SLC1A1: variants seen among roughly 807,000 people sequenced by gnomAD.
SLC1A1 encodes solute carrier family 1 member 1, also known as excitatory amino acid transporter 3.
In SLC1A1, 43 loss-of-function variants were observed where a neutral mutation model predicts 53.3. The observed-to-expected ratio is 0.81, with a 90% CI of 0.63 to 1.04. The LOEUF is 1.04. Among genes scored for constraint, SLC1A1 ranks in the 50% least tolerant of loss-of-function variants. The pLI is 0.00. For synonymous variants in SLC1A1, 307 were observed against 243.2 expected (o/e 1.26, Z -2.44); for missense variants, 748 against 664.9 (o/e 1.12, Z -1.37).
At chr9:4,579,870 T>G (rs970260139) in intron 10 of SLC1A1, among the ~76,000 whole-genome samples, 6 of 152,016 alleles carry the variant, frequency 3.9e-5, no homozygotes, top group African/African-American at 1.4e-4. Flanking sequence ...TACAACGGAT[T>G]GAAAATTGTG....
At chr9:4,546,050 C>T (rs983740526) in intron 2 of SLC1A1, among the ~76,000 whole-genome samples, 1 of 147,278 alleles carries the variant, frequency 6.8e-6, no homozygotes, top group Non-Finnish European at 1.5e-5. Flanking sequence ...GAGTACTGGA[C>T]GTTGGTGGGG....
chr9:4,519,086 A>G (rs1815972500), intron 1 of SLC1A1, among the ~76,000 whole-genome samples: 1 of 152,166 alleles, frequency 6.6e-6, no homozygotes, highest in East Asian at 1.9e-4. Context: ...AGTTTGCAGG[A>G]CTGTTTATTA....
intron 1 of SLC1A1, among the ~76,000 whole-genome samples, chr9:4,494,036 G>A (rs959976873): frequency 2.0e-5 from 3 of 152,226 alleles, no homozygotes; most frequent in South Asian, 4.1e-4. Context: ...AAATTTCTGC[G>A]ACACCCTACA....
chr9:4,525,118 G>A (rs1816213480), intron 1 of SLC1A1, among the ~76,000 whole-genome samples: 1 of 152,140 alleles, frequency 6.6e-6, no homozygotes, highest in Admixed American at 6.5e-5. Flanking sequence ...CGTGAGTGAA[G>A]GAGTCTAAAC....
chr9:4,551,668 G>A (rs1817942526), intron 2 of SLC1A1, among the ~76,000 whole-genome samples: 2 of 152,148 alleles, frequency 1.3e-5, no homozygotes, highest in African/African-American at 4.8e-5. Context: ...GCCATTCAAG[G>A]TGGTTTATAA....
At chr9:4,496,805 G>T (rs536883826) in intron 1 of SLC1A1, among the ~76,000 whole-genome samples, 23 of 152,278 alleles carry the variant, frequency 1.5e-4, no homozygotes, top group South Asian at 6.2e-4. Context: ...GCTGATGTGG[G>T]AAGATCACAT....
chr9:4,517,509 C>A (rs1438030247), intron 1 of SLC1A1, among the ~76,000 whole-genome samples: 1 of 152,192 alleles, frequency 6.6e-6, no homozygotes, highest in East Asian at 1.9e-4. Flanking sequence ...CGGGAGGCTT[C>A]TTGTGTTCCA....
At chr9:4,542,220 T>C (rs1342537200) in intron 1 of SLC1A1, among the ~76,000 whole-genome samples, 2 of 151,248 alleles carry the variant, frequency 1.3e-5, no homozygotes, top group Non-Finnish European at 3.0e-5. Flanking sequence ...GGAAGGAATA[T>C]TGGAGTACAA....
intron 1 of SLC1A1, among the ~76,000 whole-genome samples, chr9:4,543,579 A>C (rs1268079097): frequency 1.3e-5 from 2 of 152,088 alleles, no homozygotes; most frequent in Non-Finnish European, 2.9e-5. Context: ...AACATTTCTT[A>C]ATAGTGAACA....
chr9:4,526,304 AC>A (rs1816257044), intron 1 of SLC1A1, among the ~76,000 whole-genome samples: 1 of 152,216 alleles, frequency 6.6e-6, no homozygotes. Context: ...GGAATACTGA[AC>A]AGCACTTTGA....
intron 8 of SLC1A1, 72 bp downstream of exon 8, chr9:4,574,086 T>C: frequency 1.9e-6 from 2 of 1,038,094 alleles, no homozygotes; most frequent in Non-Finnish European, 3.0e-6. Context: ...AGGTTGGGTT[T>C]CAGTTGGTTA....
intron 10 of SLC1A1, 142 bp from the exon 11 acceptor site, chr9:4,582,896 A>G: frequency 9.5e-7 from 1 of 1,056,510 alleles, no homozygotes; most frequent in Non-Finnish European, 1.5e-6. Flanking sequence ...GCTGGGGCTC[A>G]GCAAGTCACA....
chr9:4,542,093 G>T (rs548380394), intron 1 of SLC1A1, among the ~76,000 whole-genome samples: 2 of 140,088 alleles, frequency 1.4e-5, no homozygotes, highest in South Asian at 4.3e-4. Context: ...GGGTCTCAGT[G>T]TGACATCCCA....
intron 1 of SLC1A1, among the ~76,000 whole-genome samples, chr9:4,513,004 G>A (rs1438087171): frequency 6.6e-6 from 1 of 151,660 alleles, no homozygotes; most frequent in Non-Finnish European, 1.5e-5. Context: ...AATGGTATTG[G>A]AACAACTAGA....
intron 1 of SLC1A1, among the ~76,000 whole-genome samples, chr9:4,495,664 G>A (rs1439205164): frequency 1.3e-5 from 2 of 152,018 alleles, no homozygotes; most frequent in Non-Finnish European, 2.9e-5. Context: ...ATGAGGGAGG[G>A]AAAGAGTAGG....
chr9:4,494,005 T>C (rs994188100), intron 1 of SLC1A1, among the ~76,000 whole-genome samples: 1 of 152,232 alleles, frequency 6.6e-6, no homozygotes, highest in Non-Finnish European at 1.5e-5. Context: ...AGGGATTCAA[T>C]AGTTAGGTGA....
In SLC1A1 at chr9:4,583,291, C is replaced by A; in HGVS notation, c.1328+119C>A. Reference sequence around the variant, plus strand: ...TTGCCTAATGAGCCACCTGTTGCTGCTTTAATTTTCCTCTGACCAGGCCAT... The same window carrying A: ...TTGCCTAATGAGCCACCTGTTGCTGATTTAATTTTCCTCTGACCAGGCCAT... On this transcript the variant is annotated intron_variant, in intron 11 of 11. Coordinates refer to ENST00000262352, the MANE Select transcript of SLC1A1 (RefSeq NM_004170.6). This position sits in a 1 kb window ranked among gnomAD's most constrained non-coding sequence, Gnocchi z 4.6. The A allele has an allele frequency of 7.8e-7, 1 of 1,289,642 alleles. No individual in the cohort carries two copies. The highest frequency in any genetic ancestry group is 1.2e-5 in the South Asian group (1 of 83,832). 79.9% of individuals were successfully genotyped at this position (1,289,642 alleles called of 1,614,324 possible).
chr9:4,506,673 A>T (rs867274629), intron 1 of SLC1A1, among the ~76,000 whole-genome samples: 5 of 152,184 alleles, frequency 3.3e-5, no homozygotes, highest in African/African-American at 1.2e-4. Flanking sequence ...GAAAGACTGG[A>T]CTTACTGCAC....
chr9:4,518,970 C>T (rs530724655), intron 1 of SLC1A1, among the ~76,000 whole-genome samples: 32 of 152,298 alleles, frequency 2.1e-4, no homozygotes, highest in Middle Eastern at 3.4e-3. Context: ...GGTTTGGGCC[C>T]GGTTGTGTCT....
Sources: gnomAD v4.1 joint callset for allele counts (sites outside exome capture counted in the v4.1 genomes callset) on GRCh38, gnomAD v4.1.1 for gene constraint, Gnocchi (gnomAD v3.1) non-coding constraint, MANE v1.5 for transcripts, NCBI Gene and HGNC (gene_info 2026-07-23, HGNC 2026-07-21) for gene names.